The following ROBO2 variants were observed in gnomAD, a reference collection of about 807,000 sequenced individuals.
ROBO2 encodes roundabout homolog 2.
Under a neutral mutation model 160.8 loss-of-function variants are expected in ROBO2, and 53 were observed. The observed-to-expected ratio is 0.33, with a 90% CI of 0.26 to 0.41. The LOEUF (loss-of-function observed/expected upper bound fraction) is 0.41, where lower values mean the gene tolerates loss of function less well. Ranked by LOEUF, ROBO2 falls within the 10% of genes least tolerant of loss-of-function variation. The probability of loss-of-function intolerance (pLI) is 1.00; values close to 1 mark genes in which losing one functional copy is unlikely to be tolerated. For synonymous variants in ROBO2, 664 were observed against 611.7 expected (o/e 1.09, Z -1.26); for missense variants, 1,577 against 1,722.4 (o/e 0.92, Z 1.49).
intron 2 of ROBO2, among the ~76,000 whole-genome samples, chr3:77,301,984 C>T (rs2062699776): frequency 1.3e-5 from 2 of 151,918 alleles, no homozygotes; most frequent in Non-Finnish European, 2.9e-5. Context: ...CTCACTGCAG[C>T]CTTGACCTCC....
chr3:77,274,591 T>A (rs1435167114), intron 2 of ROBO2, among the ~76,000 whole-genome samples: 1 of 152,118 alleles, frequency 6.6e-6, no homozygotes, highest in African/African-American at 2.4e-5. Context: ...TTTTAAAAGC[T>A]CTCCATCTTA....
chr3:76,662,888 C>G (rs1179772104), intron 2 of ROBO2, among the ~76,000 whole-genome samples: 1 of 152,012 alleles, frequency 6.6e-6, no homozygotes, highest in Non-Finnish European at 1.5e-5. Context: ...GTGTCCTTCA[C>G]CAGATGTTGA....
chr3:77,538,813 T>C, intron 6 of ROBO2: 1 of 466,730 alleles, frequency 2.1e-6, no homozygotes, highest in East Asian at 6.0e-5. Context: ...ATTTATCTCT[T>C]ACTACTGGTC....
At chr3:76,537,320 A>G (rs2108162611) in intron 2 of ROBO2, among the ~76,000 whole-genome samples, 1 of 152,248 alleles carries the variant, frequency 6.6e-6, no homozygotes, top group Non-Finnish European at 1.5e-5. Flanking sequence ...TAGGATGGAG[A>G]AATCAAAAGT....
At chr3:75,982,558 ATTC>A (rs2065308435) in intron 2 of ROBO2, among the ~76,000 whole-genome samples, 1 of 151,442 alleles carries the variant, frequency 6.6e-6, no homozygotes, top group African/African-American at 2.4e-5. Flanking sequence ...CTTGTTTGCT[ATTC>A]TTAATGTGTT....
At chr3:76,925,292 A>G (rs1007958750) in intron 2 of ROBO2, among the ~76,000 whole-genome samples, 2 of 152,130 alleles carry the variant, frequency 1.3e-5, no homozygotes, top group Admixed American at 6.5e-5. Context: ...AAATAAATAA[A>G]TGAAGATCTA....
At chr3:77,567,986 G>A (rs890229513) in intron 12 of ROBO2, among the ~76,000 whole-genome samples, 2 of 152,022 alleles carry the variant, frequency 1.3e-5, no homozygotes, top group African/African-American at 2.4e-5. Context: ...CTAGACTTCT[G>A]TAGAGAAGTC....
intron 6 of ROBO2, among the ~76,000 whole-genome samples, chr3:77,539,399 A>T (rs1387843568): frequency 6.6e-6 from 1 of 152,188 alleles, no homozygotes; most frequent in South Asian, 2.1e-4. Flanking sequence ...TATTCAGGTA[A>T]CATACTTGAA....
At chr3:76,808,802 A>G (rs2064940971) in intron 2 of ROBO2, among the ~76,000 whole-genome samples, 1 of 152,138 alleles carries the variant, frequency 6.6e-6, no homozygotes, top group Admixed American at 6.6e-5. Flanking sequence ...TAAAGCACAA[A>G]TAGCCAAGTA....
chr3:76,272,821 T>TATAAAATATATAAA (rs1559705637), intron 2 of ROBO2, among the ~76,000 whole-genome samples: 1 of 13,756 alleles, frequency 7.3e-5, no homozygotes, highest in East Asian at 2.7e-3. Context: ...AATATGTATT[T>TATAAAATATATAAA]ATATATAAAA....
chr3:75,937,841 T>TTTTATATATA (rs1222398160), intron 2 of ROBO2, among the ~76,000 whole-genome samples: 2 of 105,510 alleles, frequency 1.9e-5, no homozygotes, highest in East Asian at 5.8e-4. Context: ...GGAATTGATT[T>TTTTATATATA]TATATATATA....
At chr3:77,392,020 A>G (rs1188132215) in intron 2 of ROBO2, among the ~76,000 whole-genome samples, 2 of 152,202 alleles carry the variant, frequency 1.3e-5, no homozygotes, top group East Asian at 1.9e-4. Flanking sequence ...AAGAAACTGC[A>G]TTGTGAAATA....
intron 4 of ROBO2, among the ~76,000 whole-genome samples, chr3:77,484,246 G>A (rs1450709539): frequency 4.6e-5 from 7 of 152,052 alleles, no homozygotes; most frequent in Non-Finnish European, 5.9e-5. Flanking sequence ...GTCCCTAGAA[G>A]TTTACATATG....
intron 2 of ROBO2, among the ~76,000 whole-genome samples, chr3:76,374,790 A>G (rs1262704961): frequency 1.3e-5 from 2 of 151,970 alleles, no homozygotes; most frequent in East Asian, 3.9e-4. Context: ...GGTTTATTTT[A>G]GTTTTATTTT....
chr3:76,980,433 T>G (rs1316965294), intron 2 of ROBO2, among the ~76,000 whole-genome samples: 2 of 152,160 alleles, frequency 1.3e-5, no homozygotes, highest in Non-Finnish European at 2.9e-5. Context: ...TCTTCCCCTT[T>G]AATTTTCTAT....
At chr3:76,905,367 T>C (rs2075529861) in intron 2 of ROBO2, among the ~76,000 whole-genome samples, 1 of 152,142 alleles carries the variant, frequency 6.6e-6, no homozygotes, top group South Asian at 2.1e-4. Context: ...AGTCGGAAAC[T>C]ATCAAGGGAG....
intron 6 of ROBO2, among the ~76,000 whole-genome samples, chr3:77,530,963 T>A (rs1393352190): frequency 6.6e-6 from 1 of 151,912 alleles, no homozygotes; most frequent in African/African-American, 2.4e-5. Flanking sequence ...AGCCTAAAAA[T>A]AAAAAAAGAA....
chr3:75,931,665 C>T (rs1270028439), intron 1 of ROBO2, among the ~76,000 whole-genome samples: 1 of 152,032 alleles, frequency 6.6e-6, no homozygotes, highest in Non-Finnish European at 1.5e-5. Context: ...ATTAATATAT[C>T]TATATATAAA....
chr3:76,973,528 A>G (rs1428430219), intron 2 of ROBO2, among the ~76,000 whole-genome samples: 1 of 152,080 alleles, frequency 6.6e-6, no homozygotes, highest in Non-Finnish European at 1.5e-5. Flanking sequence ...ATCAACCACT[A>G]CTGTAATGGA....
Sources: gnomAD v4.1 joint callset for allele counts (sites outside exome capture counted in the v4.1 genomes callset) on GRCh38, gnomAD v4.1.1 for gene constraint, MANE v1.5 for transcripts, NCBI Gene and HGNC (gene_info 2026-07-23, HGNC 2026-07-21) for gene names.